DPP10: variants seen among roughly 807,000 people sequenced by gnomAD.
DPP10 encodes inactive dipeptidyl peptidase 10.
Under a neutral mutation model 120.9 loss-of-function variants are expected in DPP10, and 33 were observed. The observed-to-expected ratio is 0.27, with a 90% confidence interval of 0.21 to 0.37. DPP10 has a LOEUF of 0.37. Among genes scored for constraint, DPP10 ranks in the 10% least tolerant of loss-of-function variants. The probability of loss-of-function intolerance (pLI) is 1.00; values close to 1 mark genes in which losing one functional copy is unlikely to be tolerated. For synonymous variants in DPP10, 337 were observed against 326.1 expected, an observed-to-expected ratio of 1.03 and a Z score of -0.36; for missense variants, 816 against 942.8, an observed-to-expected ratio of 0.87 and a Z score of 1.76.
chr2:114,725,897 C>A (rs542040972), intron 1 of DPP10, among the ~76,000 whole-genome samples: 3 of 152,212 alleles, frequency 2.0e-5, no homozygotes, highest in African/African-American at 7.2e-5. Context: ...ATTTTAGAGA[C>A]CCAATGTGTA....
At chr2:115,304,115 C>T (rs1436961502) in intron 1 of DPP10, among the ~76,000 whole-genome samples, 3 of 151,994 alleles carry the variant, frequency 2.0e-5, no homozygotes, top group Non-Finnish European at 2.9e-5. Flanking sequence ...AAAATATAAA[C>T]ACCATCAGTA....
At chr2:115,095,067 C>T (rs1262527833) in intron 1 of DPP10, among the ~76,000 whole-genome samples, 1 of 152,082 alleles carries the variant, frequency 6.6e-6, no homozygotes, top group African/African-American at 2.4e-5. Context: ...AGATTTGGTC[C>T]TCCATGATGC....
chr2:114,603,526 T>C (rs776687426), intron 1 of DPP10, among the ~76,000 whole-genome samples: 7 of 152,056 alleles, frequency 4.6e-5, no homozygotes, highest in African/African-American at 9.7e-5. Flanking sequence ...AGGAGGGCAT[T>C]TGCAAATGTT....
At chr2:115,565,152 T>C (rs1251508361) in intron 5 of DPP10, among the ~76,000 whole-genome samples, 1 of 152,204 alleles carries the variant, frequency 6.6e-6, no homozygotes, top group Non-Finnish European at 1.5e-5. Flanking sequence ...TGTGTGTATA[T>C]ATGTATGTAG....
Position 114,944,313 on chromosome 2 carries a change from ATTTC to A in DPP10, c.61-364925_61-364922del, listed in dbSNP as rs944439229. Among the ~76,000 whole-genome samples, 79 of 152,176 alleles carry A rather than the reference ATTTC, an allele frequency of 5.2e-4. 1 individual carries two copies. The highest frequency in any genetic ancestry group is 3.9e-3 in the Admixed American group (60 of 15,284). On this transcript the variant is annotated intron_variant, in intron 1 of 25. Coordinates refer to ENST00000410059, the MANE Select transcript of DPP10 (RefSeq NM_020868.6). ...AGTAGTGTATATAGATTCCAAATCCATTTCAACCTTTACCAGCTTTGGATAACTG... is the reference window on the plus strand; with the variant it reads ...AGTAGTGTATATAGATTCCAAATCCAAACCTTTACCAGCTTTGGATAACTG...
At chr2:115,430,783 G>A (rs1036101966) in intron 3 of DPP10, among the ~76,000 whole-genome samples, 23 of 152,134 alleles carry the variant, frequency 1.5e-4, no homozygotes, top group South Asian at 4.1e-4. Context: ...CATTGCCCGC[G>A]TCCATAAAAT....
intron 7 of DPP10, 65 bp downstream of exon 7, chr2:115,689,986 A>G: frequency 6.7e-7 from 1 of 1,497,158 alleles, no homozygotes; most frequent in Non-Finnish European, 9.1e-7. Context: ...ATGTTAACTG[A>G]AACTTTGGAA....
intron 19 of DPP10, among the ~76,000 whole-genome samples, chr2:115,792,950 C>T (rs566127341): frequency 6.6e-6 from 1 of 152,158 alleles, no homozygotes; most frequent in South Asian, 2.1e-4. Flanking sequence ...ATAATTATGC[C>T]CACTTGCGTA....
intron 1 of DPP10, among the ~76,000 whole-genome samples, chr2:114,669,042 G>A (rs1187772153): frequency 7.9e-5 from 12 of 152,058 alleles, no homozygotes; most frequent in Non-Finnish European, 1.8e-4. Context: ...CATCCACTTA[G>A]TATTACTTAA....
At chr2:115,384,710 G>A (rs1025155554) in intron 3 of DPP10, among the ~76,000 whole-genome samples, 1 of 135,026 alleles carries the variant, frequency 7.4e-6, no homozygotes, top group African/African-American at 2.7e-5. Flanking sequence ...AAAGAAGAAA[G>A]AAGAAGAAGA....
chr2:115,353,281 A>C (rs2064156048), intron 3 of DPP10, among the ~76,000 whole-genome samples: 1 of 152,140 alleles, frequency 6.6e-6, no homozygotes. Flanking sequence ...TGTTATGACA[A>C]AATCACAGAA....
intron 1 of DPP10, among the ~76,000 whole-genome samples, chr2:115,073,020 T>C (rs1028915071): frequency 5.3e-5 from 8 of 152,116 alleles, no homozygotes; most frequent in South Asian, 2.1e-4. Flanking sequence ...TAACCTCAGG[T>C]GATCCACCCA....
intron 3 of DPP10, among the ~76,000 whole-genome samples, chr2:115,480,388 G>T (rs947095757): frequency 5.3e-5 from 8 of 151,946 alleles, no homozygotes; most frequent in Non-Finnish European, 1.2e-4. Flanking sequence ...TACTGACTAG[G>T]TTATAGGTGC....
intron 1 of DPP10, among the ~76,000 whole-genome samples, chr2:115,096,876 T>C (rs1437335220): frequency 6.6e-6 from 1 of 152,198 alleles, no homozygotes. Flanking sequence ...ACAGTGTGTA[T>C]GATTATGAAA....
intron 1 of DPP10, among the ~76,000 whole-genome samples, chr2:114,568,186 C>T (rs533743105): frequency 6.6e-6 from 1 of 151,754 alleles, no homozygotes; most frequent in South Asian, 2.1e-4. Context: ...TTGATACACA[C>T]TATTTTATAT....
rs374175322 is a variant in DPP10, at chr2:114,728,006, C to T, written c.60+285168C>T. Among the ~76,000 whole-genome samples, 8 of 152,154 alleles carry T rather than the reference C, an allele frequency of 5.3e-5. No homozygotes were observed. In the East Asian group the frequency reaches 1.2e-3, roughly 22 times the overall value. On this transcript the variant is annotated intron_variant, in intron 1 of 25. Coordinates refer to ENST00000410059, the MANE Select transcript of DPP10 (RefSeq NM_020868.6). ...TTAATATCCCCATGATCAAAGGGCT[C>T]ATTTGTGCTAATAGAGAAGTGGTAA...
intron 3 of DPP10, among the ~76,000 whole-genome samples, chr2:115,486,840 A>G (rs1490137552): frequency 6.6e-6 from 1 of 152,142 alleles, no homozygotes; most frequent in Non-Finnish European, 1.5e-5. Context: ...TACAAATCAG[A>G]AAAACATCAT....
At chr2:115,535,597 C>A (rs1460047638) in intron 5 of DPP10, among the ~76,000 whole-genome samples, 1 of 150,350 alleles carries the variant, frequency 6.7e-6, no homozygotes, top group African/African-American at 2.4e-5. Flanking sequence ...GTGATGCGGG[C>A]TCTTTTTTGG....
chr2:115,336,433 C>T (rs529271765), intron 2 of DPP10, among the ~76,000 whole-genome samples: 2 of 151,868 alleles, frequency 1.3e-5, no homozygotes, highest in South Asian at 4.2e-4. Flanking sequence ...ATTGTTAAAC[C>T]ATATATTTAT....
Sources: allele counts gnomAD v4.1 joint callset (sites outside exome capture counted in the v4.1 genomes callset), GRCh38; gene constraint gnomAD v4.1.1; transcripts MANE v1.5; gene names NCBI Gene and HGNC (gene_info 2026-07-23, HGNC 2026-07-21).